Variants in ATP6V0A4 observed in about 807,000 individuals in gnomAD.
ATP6V0A4 encodes ATPase H+ transporting V0 subunit a4, also known as V-type proton ATPase 116 kDa subunit a 4.
A neutral mutation model predicts 107.3 loss-of-function variants in ATP6V0A4; 86 were observed. That is an observed-to-expected ratio of 0.80 (90% CI 0.67 to 0.96). ATP6V0A4 has a LOEUF of 0.96. ATP6V0A4 is among the 40% of genes least tolerant of loss of function. The probability of loss-of-function intolerance (pLI) is 0.00; values close to 1 mark genes in which losing one functional copy is unlikely to be tolerated. For synonymous variants in ATP6V0A4, 353 were observed against 381.4 expected, an observed-to-expected ratio of 0.93 and a Z score of 0.87; for missense variants, 908 against 1,045.6, an observed-to-expected ratio of 0.87 and a Z score of 1.81.
At position 138,759,388 on chromosome 7, in the gene ATP6V0A4, C is replaced by T. The variant is rs79004877; in HGVS notation, c.639+364G>A. ...GCATTTTAACAAGATCCCCGGGTGA[C>T]CTCTATGCTCGCGTGCACATTGAAG... is the stretch of plus-strand genomic sequence containing the variant. On this transcript the variant is annotated intron_variant, in intron 8 of 21. Coordinates refer to ENST00000310018, the MANE Select transcript of ATP6V0A4 (RefSeq NM_020632.3). Among the ~76,000 whole-genome samples the T allele has an allele frequency of 2.4e-3, 361 of 152,056 alleles. 1 individual carries two copies. Among genetic ancestry groups the T allele is most frequent in the African/African-American group, 8.3e-3 (345 of 41,484 alleles).
At chr7:138,724,186 C>A (rs1209647608) in intron 18 of ATP6V0A4, among the ~76,000 whole-genome samples, 1 of 102,362 alleles carries the variant, frequency 9.8e-6, no homozygotes, top group Non-Finnish European at 1.9e-5. Context: ...CAAGACTCTG[C>A]CTCAAAAAAA....
intron 17 of ATP6V0A4, among the ~76,000 whole-genome samples, chr7:138,731,410 G>A (rs72611547): frequency 0.44 from 66,306 of 151,994 alleles, 15,756 homozygotes; most frequent in East Asian, 0.73. Context: ...TAGTCACAGG[G>A]CTTCATCCAG....
At chr7:138,747,869 C>T (rs1263576124) in intron 12 of ATP6V0A4, among the ~76,000 whole-genome samples, 1 of 152,122 alleles carries the variant, frequency 6.6e-6, no homozygotes, top group African/African-American at 2.4e-5. Flanking sequence ...ATCCTCCCAC[C>T]TCAGCCTCTT....
chr7:138,734,945 A>G (rs752356505), intron 15 of ATP6V0A4, among the ~76,000 whole-genome samples: 2 of 152,152 alleles, frequency 1.3e-5, no homozygotes, highest in African/African-American at 4.8e-5. Context: ...AGTGCTTCGC[A>G]TTACAAAGCA....
intron 15 of ATP6V0A4, among the ~76,000 whole-genome samples, chr7:138,734,824 C>T (rs1345775488): frequency 6.6e-6 from 1 of 150,770 alleles, no homozygotes; most frequent in Non-Finnish European, 1.5e-5. Context: ...TGAGCCATTA[C>T]GGCAAGATCT....
chr7:138,729,258 A>G (rs1312637101), intron 17 of ATP6V0A4, among the ~76,000 whole-genome samples: 2 of 151,902 alleles, frequency 1.3e-5, no homozygotes, highest in East Asian at 3.9e-4. Context: ...TGACTTTACC[A>G]GTCACTCGGT....
At chr7:138,731,333 C>T (rs736968) in intron 17 of ATP6V0A4, among the ~76,000 whole-genome samples, 17,701 of 152,154 alleles carry the variant, frequency 0.12, 1,725 homozygotes, top group African/African-American at 0.26. Context: ...ACATTAACTA[C>T]GACATCTGAT....
rs1212263460 is a variant in ATP6V0A4, at chr7:138,706,798, G to A, written c.2430-81C>T. Reference sequence around the variant, plus strand: ...AGAGGCTGGAAGGTGGAGGGAAGGAGGAAGCAGAGCGTTCGTAAAATCAAG... The same window carrying A: ...AGAGGCTGGAAGGTGGAGGGAAGGAAGAAGCAGAGCGTTCGTAAAATCAAG... On this transcript the variant is annotated intron_variant, in intron 21 of 21. Transcript: ENST00000310018. The A allele has an allele frequency of 5.0e-6, 8 of 1,587,588 alleles. No homozygotes were observed. In the Admixed American group the frequency reaches 1.0e-4, roughly 21 times the overall value.
rs1803361940 is a variant in ATP6V0A4 at position 138,706,312 on chromosome 7, A to C, written c.*312T>G. The C allele has an allele frequency of 8.4e-6, 3 of 357,366 alleles. No individual in the cohort carries two copies. Among genetic ancestry groups the C allele is most frequent in the Non-Finnish European group, 1.1e-5 (2 of 186,358 alleles). The allele number at this position is 357,366 out of a possible 1,614,324, so 22.1% of individuals were successfully genotyped here. ...GAAAAAGTGAATGACTCAGATGTTT[A>C]TTTTCTCAAATACAATATTTAAAAT... On this transcript the variant is annotated 3_prime_UTR_variant, in exon 22 of 22. Transcript: ENST00000310018.
intron 19 of ATP6V0A4, among the ~76,000 whole-genome samples, chr7:138,720,085 T>C (rs1442797665): frequency 2.6e-5 from 4 of 151,994 alleles, no homozygotes; most frequent in African/African-American, 9.7e-5. Context: ...TGAGTCATTT[T>C]GGCCCCAAAG....
intron 14 of ATP6V0A4, 64 bp downstream of exon 14, chr7:138,745,059 T>A: frequency 6.8e-7 from 1 of 1,467,154 alleles, no homozygotes. Flanking sequence ...CCCCCAACCA[T>A]GAAAACAGTC....
intron 14 of ATP6V0A4, among the ~76,000 whole-genome samples, chr7:138,740,833 G>A (rs113861967): frequency 1.6e-4 from 24 of 151,830 alleles, no homozygotes; most frequent in African/African-American, 5.6e-4. Flanking sequence ...AGGGCCCAAG[G>A]AATGAGCATT....
chr7:138,780,968 T>C (rs907124490), intron 2 of ATP6V0A4, among the ~76,000 whole-genome samples: 1 of 152,136 alleles, frequency 6.6e-6, no homozygotes, highest in African/African-American at 2.4e-5. Context: ...GGCCCCTAAA[T>C]TTTTGTCTGA....
chr7:138,715,836 C>A lies in ATP6V0A4; in HGVS notation c.2185G>T (p.Glu729Ter). ...VFVHQAIHTI[E>*]YCLGCISNTA... ...TTTGAAATGCAGCCCAGGCAGTACTCGATGGTGTGGATGGCTTGGTGGACA... is the reference window on the plus strand; with the variant it reads ...TTTGAAATGCAGCCCAGGCAGTACTAGATGGTGTGGATGGCTTGGTGGACA... Residue 729 changes from glutamate (E) to a stop codon, truncating the protein, a stop_gained, in exon 20 of 22, where the codon GAG becomes TAG. Coordinates refer to ENST00000310018, the MANE Select transcript of ATP6V0A4 (RefSeq NM_020632.3). LOFTEE classifies it high-confidence loss of function. 1 of 1,613,764 alleles carries A rather than the reference C, an allele frequency of 6.2e-7. No homozygotes were observed. Among genetic ancestry groups the A allele is most frequent in the Non-Finnish European group, 8.5e-7 (1 of 1,179,770 alleles).
intron 2 of ATP6V0A4, chr7:138,780,092 T>C (rs1392385806): frequency 6.6e-6 from 1 of 152,206 alleles, no homozygotes; most frequent in African/African-American, 2.4e-5. Context: ...TAGTTCTGCC[T>C]GGGTTGTGTT....
intron 4 of ATP6V0A4, 63 bp downstream of exon 4, chr7:138,769,110 C>A: frequency 1.3e-6 from 2 of 1,596,356 alleles, no homozygotes; most frequent in Non-Finnish European, 1.7e-6. Context: ...GTCCTGCAAA[C>A]TATTAACCCC....
At chr7:138,767,219 T>C (rs1807134435) in intron 5 of ATP6V0A4, among the ~76,000 whole-genome samples, 1 of 152,240 alleles carries the variant, frequency 6.6e-6, no homozygotes, top group East Asian at 1.9e-4. Flanking sequence ...TAATTTGTAA[T>C]ACAGTCAAAA....
chr7:138,762,992 C>T lies in ATP6V0A4; in HGVS notation c.325G>A (p.Glu109Lys). The part of the protein sequence containing the change: ...VLEKLEGELQ[E>K]ANQNQQALKQ... ...AAGGCCTGCTGGTTCTGGTTGGCTT[C>T]CTGTAACTCTCCTTCCAGTTTTTCT... The change falls in exon 6 of 22, where the codon GAA (glutamate) becomes AAA (lysine). Residue 109 changes from glutamate to lysine, a missense_variant. Glu to Lys is a moderately conservative substitution (Grantham distance 56). Transcript: ENST00000310018. The T allele has an allele frequency of 1.2e-6, 2 of 1,614,106 alleles. No individual in the cohort carries two copies. The highest frequency in any genetic ancestry group is 1.7e-6 in the Non-Finnish European group (2 of 1,180,034).
intron 18 of ATP6V0A4, among the ~76,000 whole-genome samples, chr7:138,725,687 AT>A (rs1804674839): frequency 6.6e-6 from 1 of 151,544 alleles, no homozygotes; most frequent in Non-Finnish European, 1.5e-5. Flanking sequence ...TAATTTTTGT[AT>A]TTTTAGTAGA....
Sources: allele counts gnomAD v4.1 joint callset (sites outside exome capture counted in the v4.1 genomes callset), GRCh38; gene constraint gnomAD v4.1.1; transcripts MANE v1.5; gene names NCBI Gene and HGNC (gene_info 2026-07-23, HGNC 2026-07-21).